Variants in B9D1 observed in about 807,000 individuals in gnomAD.
The protein encoded by B9D1 is B9 domain-containing protein 1.
Under a neutral mutation model 26.1 loss-of-function variants are expected in B9D1, and 20 were observed. The observed-to-expected ratio is 0.77, with a 90% CI of 0.54 to 1.12. The LOEUF is 1.12. B9D1 is among the 50% of genes most tolerant of loss of function. The pLI, the probability that B9D1 is intolerant of heterozygous loss-of-function variation, is 0.00. For missense variants in B9D1, 260 were observed against 273.7 expected, an observed-to-expected ratio of 0.95 and a Z score of 0.35; for synonymous variants, 105 against 103.1, an observed-to-expected ratio of 1.02 and a Z score of -0.11.
intron 3 of B9D1, among the ~76,000 whole-genome samples, chr17:19,349,001 G>A (rs573826100): frequency 7.9e-5 from 12 of 152,200 alleles, no homozygotes; most frequent in Non-Finnish European, 1.6e-4. Context: ...CGGTACTCGC[G>A]TGCACACATC....
chr17:19,347,214 A>G lies in B9D1; in HGVS notation c.404+55T>C, dbSNP rs779070215. On this transcript the variant is annotated intron_variant, in intron 5 of 6. Transcript: ENST00000261499. The surrounding 1 kb of genome is among the most constrained non-coding windows in gnomAD (Gnocchi z 4.3). ...GGCACAAACTGAGGGGTAGAATGGG[A>G]CATCCATTCATCCAGTAGATCAGGA... 2.5e-6 allele frequency: 4 copies of G among 1,614,070 alleles called. No individual in the cohort carries two copies. The African/African-American group carries it at 5.3e-5, about 22-fold the overall frequency.
chr17:19,343,273 G>A lies in B9D1; in HGVS notation c.*46C>T. On this transcript the variant is annotated 3_prime_UTR_variant, in exon 7 of 7. Coordinates refer to ENST00000261499, the MANE Select transcript of B9D1 (RefSeq NM_015681.6). ...GGCCGATGGGCAGCGGCTGACTTCG[G>A]GAAGGCAGCCCTTCATTATCAGAGA... The A allele has an allele frequency of 6.2e-7, 1 of 1,612,962 alleles. No individual in the cohort carries two copies. Among genetic ancestry groups the A allele is most frequent in the Non-Finnish European group, 8.5e-7 (1 of 1,179,730 alleles).
downstream of B9D1, among the ~76,000 whole-genome samples, chr17:19,337,108 G>A (rs1170749796): frequency 6.6e-6 from 1 of 152,230 alleles, no homozygotes; most frequent in Non-Finnish European, 1.5e-5. Flanking sequence ...CCATGCTGCA[G>A]AAGAGCTGCT....
intron 5 of B9D1, chr17:19,346,917 A>G (rs1431170504): frequency 2.1e-6 from 3 of 1,442,906 alleles, no homozygotes; most frequent in Non-Finnish European, 2.7e-6. Context: ...TATCATGATT[A>G]CTGTTCCAAG....
upstream of B9D1, among the ~76,000 whole-genome samples, chr17:19,363,206 T>C (rs897882016): frequency 1.3e-5 from 2 of 152,224 alleles, no homozygotes; most frequent in Admixed American, 1.3e-4. Flanking sequence ...TTGGAGACGC[T>C]TGCCCTCGAA....
Position 19,347,316 on chromosome 17 carries a change from G to C in B9D1, c.357C>G (p.Ile119Met), listed in dbSNP as rs771426647. The C allele has an allele frequency of 6.2e-7, 1 of 1,614,236 alleles. No homozygotes were observed. Among genetic ancestry groups the C allele is most frequent in the Non-Finnish European group, 8.5e-7 (1 of 1,180,044 alleles). ...PFSPGRHKRT[I>M]PMFVPESTSK... ...ACGTAGATTCTGGGACAAACATGGG[G>C]ATGGTCCTTTTGTGCCTGAAACAAA... Residue 119 changes from isoleucine to methionine, a missense_variant, in exon 5 of 7, where the codon ATC becomes ATG. By Grantham distance (10) the Ile-to-Met change is conservative (BLOSUM62 1). Transcript: ENST00000261499. The surrounding 1 kb of genome is among the most constrained non-coding windows in gnomAD (Gnocchi z 4.3).
Position 19,343,369 on chromosome 17 carries a change from C to T in B9D1, c.565G>A (p.Asp189Asn). 6.2e-7 allele frequency: 1 copy of T among 1,614,152 alleles called. No homozygotes were observed. Among genetic ancestry groups the T allele is most frequent in the South Asian group, 1.1e-5 (1 of 91,090 alleles). ...RKLGYDTGPS[D>N]TQGVLGPSPP... ...CTGGGCCCCAACACACCCTGTGTAT[C>T]AGAAGGCCCAGTGTCATAGCCCAGT... Residue 189 changes from aspartate (D) to asparagine (N), a missense_variant, in exon 7 of 7, where the codon GAT (aspartate) becomes AAT (asparagine). By Grantham distance (23) the Asp-to-Asn change is conservative (BLOSUM62 1). Coordinates refer to ENST00000261499, the MANE Select transcript of B9D1 (RefSeq NM_015681.6).
At chr17:19,377,710 G>C in intron 1 of B9D1, 1 of 351,022 alleles carries the variant, frequency 2.8e-6, no homozygotes, top group South Asian at 1.2e-4. Flanking sequence ...CGGATTTTGG[G>C]GTGGGTCGGG....
intron 3 of B9D1, among the ~76,000 whole-genome samples, chr17:19,355,528 T>A (rs1334468083): frequency 5.8e-5 from 8 of 138,060 alleles, no homozygotes; most frequent in South Asian, 2.3e-4. Flanking sequence ...TGTCTGCAAT[T>A]AAAAAAAAAA....
At chr17:19,337,258 CAG>C (rs1358047844), downstream of B9D1, among the ~76,000 whole-genome samples, 13 of 152,364 alleles carry the variant, frequency 8.5e-5, no homozygotes, top group African/African-American at 3.1e-4. Context: ...AGCTGACCGA[CAG>C]AGGGCCTGTG....
At chr17:19,362,939 C>A, upstream of B9D1, 1 of 373,756 alleles carries the variant, frequency 2.7e-6, no homozygotes, top group South Asian at 2.1e-5. Flanking sequence ...CCCGCCGAAG[C>A]GCAGAGGCGA....
chr17:19,343,653 CCCT>C (rs1885795104), intron 6 of B9D1, 134 bp downstream of exon 6: 1 of 1,595,060 alleles, frequency 6.3e-7, no homozygotes, highest in Admixed American at 1.7e-5. Context: ...TCCAACCAGG[CCCT>C]CATCTGGGAA....
intron 1 of B9D1, chr17:19,377,696 C>T: frequency 7.2e-6 from 2 of 276,138 alleles, no homozygotes; most frequent in Non-Finnish European, 5.5e-6. Context: ...AACGAATAAA[C>T]TATCGGATTT....
Position 19,347,833 on chromosome 17 carries a change from C to G in B9D1, c.292G>C (p.Asp98His). 1 of 1,614,108 alleles carries G rather than the reference C, an allele frequency of 6.2e-7. No individual in the cohort carries two copies. The highest frequency in any genetic ancestry group is 8.5e-7 in the Non-Finnish European group (1 of 1,180,006). ...SVYGPDVFGN[D>H]VVRGYGAVHV... is the part of the protein sequence containing the mutation. ...ACGGCCCCATAGCCTCGAACCACAT[C>G]GTTCCCGAACACATCTGGTCCATAC... The change falls in exon 4 of 7, where the codon GAT becomes CAT. Residue 98 changes from aspartate to histidine, a missense_variant. Asp to His is a moderately conservative substitution (Grantham distance 81). Transcript: ENST00000261499. This position sits in a 1 kb window ranked among gnomAD's most constrained non-coding sequence, Gnocchi z 4.3.
chr17:19,358,435 A>G (rs1051751017), intron 2 of B9D1, among the ~76,000 whole-genome samples: 8 of 152,118 alleles, frequency 5.3e-5, no homozygotes, highest in African/African-American at 1.9e-4. Flanking sequence ...ACCGGCTCCA[A>G]TTCCTCCCCT....
At chr17:19,343,755 G>A (rs1446849132) in intron 6 of B9D1, 35 bp downstream of exon 6, 2 of 1,613,244 alleles carry the variant, frequency 1.2e-6, no homozygotes, top group East Asian at 2.2e-5. Context: ...TAACCTGTAT[G>A]GGGGATGGGG....
At chr17:19,345,969 G>T (rs1325747182) in intron 5 of B9D1, among the ~76,000 whole-genome samples, 2 of 152,240 alleles carry the variant, frequency 1.3e-5, no homozygotes, top group Admixed American at 6.5e-5. Flanking sequence ...GCCTTGCCCA[G>T]TTGCGAGCCC....
chr17:19,348,414 G>A (rs952267793), intron 3 of B9D1, among the ~76,000 whole-genome samples: 39 of 152,278 alleles, frequency 2.6e-4, no homozygotes, highest in African/African-American at 8.4e-4. Context: ...CCATTGAGGC[G>A]CATGAGGCAC....
At chr17:19,356,194 C>T (rs8065189) in intron 3 of B9D1, among the ~76,000 whole-genome samples, 133,756 of 152,030 alleles carry the variant, frequency 0.88, 59,347 homozygotes, top group Non-Finnish European at 0.93. Context: ...TAGGCTCCAG[C>T]GATCCTTCTG....
Sources: gnomAD v4.1 joint callset for allele counts (sites outside exome capture counted in the v4.1 genomes callset) on GRCh38, gnomAD v4.1.1 for gene constraint, Gnocchi (gnomAD v3.1) non-coding constraint, MANE v1.5 for transcripts, NCBI Gene and HGNC (gene_info 2026-07-23, HGNC 2026-07-21) for gene names.